Variants in EMILIN2 observed in about 807,000 individuals in gnomAD.
EMILIN2 encodes the protein EMILIN-2.
In EMILIN2, 71 loss-of-function variants were observed where a neutral mutation model predicts 87.1. The ratio of observed to expected loss-of-function variants is 0.82; its 90% confidence interval spans 0.67 to 0.99. EMILIN2 has a LOEUF of 0.99. Among genes scored for constraint, EMILIN2 ranks in the 50% least tolerant of loss-of-function variants. The probability of loss-of-function intolerance (pLI) is 0.00; values close to 1 mark genes in which losing one functional copy is unlikely to be tolerated. For synonymous variants in EMILIN2, 581 were observed against 563.4 expected (o/e 1.03, Z -0.44); for missense variants, 1,407 against 1,371.8 (o/e 1.03, Z -0.40).
chr18:2,859,702 G>A (rs2076651126), intron 2 of EMILIN2, among the ~76,000 whole-genome samples: 1 of 152,144 alleles, frequency 6.6e-6, no homozygotes, highest in Non-Finnish European at 1.5e-5. Context: ...TATAGTTTCA[G>A]GTCCTAGATT....
Position 2,892,320 on chromosome 18 carries a change from C to T in EMILIN2, c.2193C>T (p.Asn731=), listed in dbSNP as rs1266486818. ...GNLQRIKEGL[N]KHVSSLWNCV... ...TTCAGAGGATCAAGGAGGGGCTCAA[C>T]AAGCATGTCAGCAGCCTGTGGAACT... is the stretch of plus-strand genomic sequence containing the variant. Residue 731 remains asparagine, a synonymous_variant, in exon 4 of 8, where the codon AAC becomes AAT. Transcript: ENST00000254528. 6.2e-7 allele frequency: 1 copy of T among 1,614,196 alleles called. No homozygotes were observed. Among genetic ancestry groups the T allele is most frequent in the South Asian group, 1.1e-5 (1 of 91,082 alleles).
Position 2,894,948 on chromosome 18 carries a change from G to A in EMILIN2, c.2359+2462G>A, listed in dbSNP as rs11660827. Among the ~76,000 whole-genome samples the A allele has an allele frequency of 6.6e-6, 1 of 152,130 alleles. No individual in the cohort carries two copies. Among genetic ancestry groups the A allele is most frequent in the South Asian group, 2.1e-4 (1 of 4,828 alleles). ...CTCTTGGGGGACCTGGAGATAAGTA[G>A]GCATAATCCTTATTCTAAAGCATTT... On this transcript the variant is annotated intron_variant, in intron 4 of 7. Transcript: ENST00000254528. The surrounding 1 kb of genome is among the most constrained non-coding windows in gnomAD (Gnocchi z 5.0).
chr18:2,906,956 AT>A lies in EMILIN2; in HGVS notation c.2534del (p.Ile845ThrfsTer51), dbSNP rs2076916683. 4.3e-6 allele frequency: 6 copies of A among 1,405,226 alleles called. No individual in the cohort carries two copies. Among genetic ancestry groups the A allele is most frequent in the African/African-American group, 1.5e-5 (1 of 66,972 alleles). The allele number at this position is 1,405,226 out of a possible 1,614,324, so 87.0% of individuals were successfully genotyped here. ...CCAGCCGCCAGGCTCCACCGGGGTC[AT>A]CGCGGAGACGGGCCAGGCCGGGCCC... The part of the protein sequence containing the change: ...PPQPPGSTGV[I>X]AETGQAGPPA... On this transcript the variant is annotated frameshift_variant, in exon 5 of 8. Transcript: ENST00000254528. LOFTEE classifies it high-confidence loss of function.
Position 2,880,522 on chromosome 18 carries a change from C to T in EMILIN2, c.258-4442C>T, listed in dbSNP as rs995595794. 1.3e-5 allele frequency among the ~76,000 whole-genome samples: 2 copies of T among 152,174 alleles called. No homozygotes were observed. Among genetic ancestry groups the T allele is most frequent in the Non-Finnish European group, 2.9e-5 (2 of 68,030 alleles). On this transcript the variant is annotated intron_variant, in intron 2 of 7. Coordinates refer to ENST00000254528, the MANE Select transcript of EMILIN2 (RefSeq NM_032048.3). The surrounding 1 kb of genome is among the most constrained non-coding windows in gnomAD (Gnocchi z 4.1). The stretch of plus-strand genomic sequence containing the variant: ...CGCCCATACCCAAGGCACCTGTGGA[C>T]GGGGCTCTCCAGAGGGCTGGGGCAC...
At chr18:2,878,265 A>G (rs2076759634) in intron 2 of EMILIN2, among the ~76,000 whole-genome samples, 1 of 152,178 alleles carries the variant, frequency 6.6e-6, no homozygotes, top group Non-Finnish European at 1.5e-5. Flanking sequence ...GGAGGCCGGC[A>G]GACCACCTGA....
In EMILIN2 at chr18:2,913,284, G is replaced by GAAGGC. The variant is rs1242623194; in HGVS notation, c.3043_3047dup (p.Gly1017ArgfsTer10). On this transcript the variant is annotated frameshift_variant, in exon 8 of 8. Coordinates refer to ENST00000254528, the MANE Select transcript of EMILIN2 (RefSeq NM_032048.3). LOFTEE classifies it high-confidence loss of function. ...GGGCATTCCACCTCATCGTGCACCTGAAGGCGGGAGATGCAGTCAACGTCG... is the reference window on the plus strand; with the variant it reads ...GGGCATTCCACCTCATCGTGCACCTGAAGGCAAGGCGGGAGATGCAGTCAACGTCG... The GAAGGC allele has an allele frequency of 6.2e-7, 1 of 1,613,254 alleles. No homozygotes were observed. The highest frequency in any genetic ancestry group is 1.3e-5 in the African/African-American group (1 of 74,920).
chr18:2,853,846 C>G (rs1279581135), intron 2 of EMILIN2, among the ~76,000 whole-genome samples: 3 of 152,228 alleles, frequency 2.0e-5, no homozygotes, highest in Non-Finnish European at 2.9e-5. Flanking sequence ...AGGGAAGGGC[C>G]TGACATTTCT....
At chr18:2,866,016 G>A (rs1015158317) in intron 2 of EMILIN2, among the ~76,000 whole-genome samples, 9 of 152,216 alleles carry the variant, frequency 5.9e-5, no homozygotes, top group Non-Finnish European at 7.4e-5. Context: ...AGCCTGGTGC[G>A]GGATATAATC....
rs146265645 is a variant in EMILIN2, at chr18:2,882,584, A to G, written c.258-2380A>G. On this transcript the variant is annotated intron_variant, in intron 2 of 7. Transcript: ENST00000254528. The stretch of plus-strand genomic sequence containing the variant: ...ACATAGTGAGACCCTATCTCTTAAA[A>G]AAATTTTTTTAAATTGGCTGGGCAC... Among the ~76,000 whole-genome samples, 624 of 152,226 alleles carry G rather than the reference A, an allele frequency of 4.1e-3. 4 individuals are homozygous for G. Among genetic ancestry groups the G allele is most frequent in the African/African-American group, 0.014 (581 of 41,550 alleles).
chr18:2,885,666 T>C (rs2076800154), intron 3 of EMILIN2, among the ~76,000 whole-genome samples: 1 of 152,064 alleles, frequency 6.6e-6, no homozygotes, highest in Admixed American at 6.6e-5. Context: ...TACAGGCGCC[T>C]GCCACCATGC....
chr18:2,876,312 C>T (rs1409928027), intron 2 of EMILIN2, among the ~76,000 whole-genome samples: 1 of 151,708 alleles, frequency 6.6e-6, no homozygotes, highest in Non-Finnish European at 1.5e-5. Context: ...TAGCTTGTTA[C>T]TCTATGTGAT....
At chr18:2,888,489 G>T (rs541708008) in intron 3 of EMILIN2, among the ~76,000 whole-genome samples, 20 of 152,182 alleles carry the variant, frequency 1.3e-4, no homozygotes, top group African/African-American at 4.8e-4. Context: ...GCCGAGGCGG[G>T]TGGATCACAA....
chr18:2,891,683 C>G lies in EMILIN2; in HGVS notation c.1556C>G (p.Pro519Arg). Residue 519 changes from proline to arginine, a missense_variant, in exon 4 of 8, where the codon CCA becomes CGA. Transcript: ENST00000254528. The surrounding 1 kb of genome is among the most constrained non-coding windows in gnomAD (Gnocchi z 4.6). ...TNNTGAELSP[P>R]GAAALPGVSG... ...AACACTGGTGCAGAGCTCAGTCCCC[C>G]AGGGGCAGCAGCCCTGCCAGGAGTG... The G allele has an allele frequency of 6.2e-7, 1 of 1,614,118 alleles. No homozygotes were observed. The highest frequency in any genetic ancestry group is 8.5e-7 in the Non-Finnish European group (1 of 1,180,034).
chr18:2,889,382 C>A (rs892542355), intron 3 of EMILIN2, among the ~76,000 whole-genome samples: 2 of 152,024 alleles, frequency 1.3e-5, no homozygotes, highest in Non-Finnish European at 2.9e-5. Flanking sequence ...AAGCAATCCA[C>A]CCACCTCAGC....
At chr18:2,867,082 G>A (rs1288119627) in intron 2 of EMILIN2, among the ~76,000 whole-genome samples, 1 of 152,108 alleles carries the variant, frequency 6.6e-6, no homozygotes, top group Non-Finnish European at 1.5e-5. Flanking sequence ...TCGATATGCT[G>A]TTGGTTTGGT....
intron 2 of EMILIN2, among the ~76,000 whole-genome samples, chr18:2,873,001 A>C (rs370452984): frequency 6.6e-6 from 1 of 152,214 alleles, no homozygotes; most frequent in Middle Eastern, 3.4e-3. Flanking sequence ...CACAGATCTT[A>C]AGTGTTTTAT....
Position 2,906,778 on chromosome 18 carries a change from GGCAGAGGCGCCCTCGCCCCCGCCGCCC to G in EMILIN2, c.2364_2390del (p.Ser790_Pro798del). ...GTGTGTTTCTTTCTCCCCGACGCCC[GGCAGAGGCGCCCTCGCCCCCGCCGCCC>G]GCAGAGGCCCCGAAGGAGCCGCTGC... On this transcript the variant is annotated splice_acceptor_variant and splice_polypyrimidine_tract_variant and coding_sequence_variant and intron_variant, in exon 5 of 8. Coordinates refer to ENST00000254528, the MANE Select transcript of EMILIN2 (RefSeq NM_032048.3). LOFTEE classifies it high-confidence loss of function. 58 of 1,260,992 alleles carry G rather than the reference GGCAGAGGCGCCCTCGCCCCCGCCGCCC, an allele frequency of 4.6e-5. 1 individual carries two copies. Among genetic ancestry groups the G allele is most frequent in the Middle Eastern group, 3.2e-4 (1 of 3,156 alleles). The allele number at this position is 1,260,992 out of a possible 1,614,324, so 78.1% of individuals were successfully genotyped here.
intron 2 of EMILIN2, among the ~76,000 whole-genome samples, chr18:2,871,076 C>T (rs1249008961): frequency 6.6e-6 from 1 of 152,214 alleles, no homozygotes; most frequent in African/African-American, 2.4e-5. Flanking sequence ...AAGACCCTAT[C>T]TCCAAATAAA....
chr18:2,883,604 T>G (rs1462438437), intron 2 of EMILIN2, among the ~76,000 whole-genome samples: 1 of 152,204 alleles, frequency 6.6e-6, no homozygotes, highest in Non-Finnish European at 1.5e-5. Flanking sequence ...GCTGAACTCC[T>G]GGCTCCTTCC....
Sources: gnomAD v4.1 joint callset for allele counts (sites outside exome capture counted in the v4.1 genomes callset) on GRCh38, gnomAD v4.1.1 for gene constraint, Gnocchi (gnomAD v3.1) non-coding constraint, MANE v1.5 for transcripts, NCBI Gene and HGNC (gene_info 2026-07-23, HGNC 2026-07-21) for gene names.